CTPS1: variants seen among roughly 807,000 people sequenced by gnomAD.
CTPS1 encodes the protein CTP synthetase 1.
A neutral mutation model predicts 80.5 loss-of-function variants in CTPS1; 25 were observed. The ratio of observed to expected loss-of-function variants is 0.31; its 90% CI spans 0.23 to 0.43. The LOEUF is 0.43. CTPS1 is among the 20% of genes least tolerant of loss of function. The pLI, the probability that CTPS1 is intolerant of heterozygous loss-of-function variation, is 1.00. For missense variants in CTPS1, 442 were observed against 725.7 expected (o/e 0.61, Z 4.49); for synonymous variants, 267 against 252.5 (o/e 1.06, Z -0.54).
chr1:40,991,815 A>G lies in CTPS1; in HGVS notation c.690A>G (p.Ile230Met). The G allele has an allele frequency of 6.2e-7, 1 of 1,614,096 alleles. No individual in the cohort carries two copies. Among genetic ancestry groups the G allele is most frequent in the Non-Finnish European group, 8.5e-7 (1 of 1,179,942 alleles). Residue 230 changes from isoleucine to methionine, a missense_variant, in exon 7 of 19, where the codon ATA (isoleucine) becomes ATG (methionine). Around this residue, in one of 4 missense-constraint regions of CTPS1, gnomAD observed 321 missense variants for 467.2 expected, o/e 0.69. Coordinates refer to ENST00000650070, the MANE Select transcript of CTPS1 (RefSeq NM_001905.4). ...TTGACACATCAGTGAAGGAGAAAAT[A>G]TCAATGTTCTGCCATGTTGAGCCTG... Reference protein sequence around the residue: ...NPLDTSVKEKISMFCHVEPEQ... With the variant: ...NPLDTSVKEKMSMFCHVEPEQ...
At chr1:40,987,517 TAGTC>T (rs1351562344) in intron 4 of CTPS1, 45 bp downstream of exon 4, 10 of 1,354,206 alleles carry the variant, frequency 7.4e-6, no homozygotes, top group East Asian at 2.3e-5. Context: ...CTCATCTCCT[TAGTC>T]AGCCATCAAT....
chr1:40,984,041 C>T (rs547304644), intron 2 of CTPS1, among the ~76,000 whole-genome samples: 4 of 152,326 alleles, frequency 2.6e-5, no homozygotes, highest in South Asian at 2.1e-4. Context: ...ATTCTGCATT[C>T]GTACTCCTAC....
At chr1:41,008,930 A>G (rs764200013) in intron 16 of CTPS1, 40 bp downstream of exon 16, 1 of 1,492,140 alleles carries the variant, frequency 6.7e-7, no homozygotes, top group Non-Finnish European at 9.4e-7. Flanking sequence ...AAAACTTAGT[A>G]AAGTTTTCTT....
At chr1:40,983,189 CTAA>C (rs1328361615) in intron 1 of CTPS1, 86 bp from the exon 2 acceptor site, 1 of 1,094,028 alleles carries the variant, frequency 9.1e-7, no homozygotes, top group Non-Finnish European at 1.3e-6. Context: ...GGGTTCATAG[CTAA>C]TAATTGGCAG....
At chr1:40,989,169 G>A (rs567312139) in intron 5 of CTPS1, among the ~76,000 whole-genome samples, 10 of 152,282 alleles carry the variant, frequency 6.6e-5, no homozygotes, top group Admixed American at 6.5e-4. Context: ...GTGGGATGAG[G>A]GTGGGCCTCA....
intron 4 of CTPS1, among the ~76,000 whole-genome samples, chr1:40,987,753 C>T (rs1642492415): frequency 6.6e-6 from 1 of 152,134 alleles, no homozygotes; most frequent in Non-Finnish European, 1.5e-5. Context: ...GTCTCTTGAG[C>T]AAGTCAGCAG....
At chr1:41,002,093 A>T in intron 10 of CTPS1, 67 bp from the exon 11 acceptor site, 1 of 1,392,978 alleles carries the variant, frequency 7.2e-7, no homozygotes, top group South Asian at 1.2e-5. Flanking sequence ...ATGGCCCGTT[A>T]GGCGATTATT....
intron 10 of CTPS1, among the ~76,000 whole-genome samples, chr1:41,001,760 A>G (rs1443989822): frequency 6.6e-6 from 1 of 152,028 alleles, no homozygotes; most frequent in African/African-American, 2.4e-5. Flanking sequence ...AAAAACAACA[A>G]AACCAGCTGG....
intron 9 of CTPS1, among the ~76,000 whole-genome samples, chr1:41,000,616 A>AT: frequency 6.6e-6 from 1 of 152,144 alleles, no homozygotes; most frequent in Admixed American, 6.5e-5. Flanking sequence ...AAATGCTTGT[A>AT]TTTTATTGTA....
At chr1:41,001,276 A>G (rs1642897015) in intron 10 of CTPS1, among the ~76,000 whole-genome samples, 159 bp downstream of exon 10, 1 of 152,250 alleles carries the variant, frequency 6.6e-6, no homozygotes, top group South Asian at 2.1e-4. Context: ...TCCTTAAAAA[A>G]TGCAGCTTGT....
At chr1:40,997,626 A>C (rs1255554196) in intron 9 of CTPS1, 100 bp downstream of exon 9, 1 of 1,390,360 alleles carries the variant, frequency 7.2e-7, no homozygotes. Flanking sequence ...GGAGCTCAGA[A>C]TTACTTTTTA....
At chr1:40,991,568 T>C (rs929928315) in intron 6 of CTPS1, among the ~76,000 whole-genome samples, 197 bp from the exon 7 acceptor site, 5 of 152,350 alleles carry the variant, frequency 3.3e-5, no homozygotes, top group East Asian at 1.9e-4. Flanking sequence ...CATTCTCTTA[T>C]GTTTCTCCAG....
At position 41,007,823 on chromosome 1, in the gene CTPS1, G is replaced by A. The variant is rs902020662; in HGVS notation, c.1393+278G>A. Reference sequence around the variant, plus strand: ...CAGTGAGGTTACATTCATCCTTATCGGTTACTTTCCTATTAAGACCAGCCA... The same window carrying A: ...CAGTGAGGTTACATTCATCCTTATCAGTTACTTTCCTATTAAGACCAGCCA... On this transcript the variant is annotated intron_variant, in intron 14 of 18. Coordinates refer to ENST00000650070, the MANE Select transcript of CTPS1 (RefSeq NM_001905.4). This position sits in a 1 kb window ranked among gnomAD's most constrained non-coding sequence, Gnocchi z 4.4. 6.6e-6 allele frequency among the ~76,000 whole-genome samples: 1 copy of A among 152,110 alleles called. No individual in the cohort carries two copies.
intron 1 of CTPS1, chr1:40,980,336 C>T (rs150486415): frequency 0.048 from 7,269 of 152,142 alleles, 275 homozygotes; most frequent in Non-Finnish European, 0.076. Context: ...GGCAGCTCCG[C>T]GCCGTAGGAC....
chr1:40,994,228 A>T (rs557931314), intron 7 of CTPS1, among the ~76,000 whole-genome samples: 1 of 152,266 alleles, frequency 6.6e-6, no homozygotes, highest in Non-Finnish European at 1.5e-5. Context: ...TTCTTGTAAA[A>T]GTTAGTTTTA....
At chr1:40,988,047 G>A (rs1179762937) in intron 4 of CTPS1, among the ~76,000 whole-genome samples, 20 of 152,184 alleles carry the variant, frequency 1.3e-4, no homozygotes, top group Admixed American at 9.8e-4. Context: ...CAAGTAGCTG[G>A]GACTACAGTG....
chr1:40,983,619 C>CTTTTT (rs56179408), intron 2 of CTPS1, among the ~76,000 whole-genome samples, 163 bp downstream of exon 2: 5 of 140,310 alleles, frequency 3.6e-5, no homozygotes, highest in Non-Finnish European at 6.2e-5. Context: ...AAGCAGAATT[C>CTTTTT]TTTTTTTTTT....
chr1:41,003,723 T>A (rs1476265297), intron 12 of CTPS1, among the ~76,000 whole-genome samples: 3 of 152,208 alleles, frequency 2.0e-5, no homozygotes, highest in Non-Finnish European at 4.4e-5. Flanking sequence ...TCAGATAATA[T>A]CAGCTCTTCG....
rs1643115808 is a variant in CTPS1, at chr1:41,009,503, G to A, written c.1605G>A (p.Lys535=). ...YHPEFLSRPI[K]PSPPYFGLLL... ...CTGAGTTCCTGTCCAGGCCTATCAAGCCCTCCCCACCATACTTTGGCCTCC... is the reference window on the plus strand; with the variant it reads ...CTGAGTTCCTGTCCAGGCCTATCAAACCCTCCCCACCATACTTTGGCCTCC... The change falls in exon 17 of 19, where the codon AAG becomes AAA. Residue 535 remains lysine, a synonymous_variant. Transcript: ENST00000650070. 1 of 1,613,408 alleles carries A rather than the reference G, an allele frequency of 6.2e-7. No homozygotes were observed. Among genetic ancestry groups the A allele is most frequent in the South Asian group, 1.1e-5 (1 of 90,952 alleles).
Sources: allele counts gnomAD v4.1 joint callset (sites outside exome capture counted in the v4.1 genomes callset), GRCh38; gene constraint gnomAD v4.1.1; regional missense constraint gnomAD v4.1.1; non-coding constraint Gnocchi (gnomAD v3.1); transcripts MANE v1.5; gene names NCBI Gene and HGNC (gene_info 2026-07-23, HGNC 2026-07-21).